ALDH3A2: variants seen among roughly 807,000 people sequenced by gnomAD.
ALDH3A2 encodes the protein aldehyde dehydrogenase 3 family member A2.
In ALDH3A2, 36 loss-of-function variants were observed where a neutral mutation model predicts 51.3. That is an observed-to-expected ratio of 0.70 (90% CI 0.54 to 0.93). The LOEUF is 0.93. Among genes scored for constraint, ALDH3A2 ranks in the 40% least tolerant of loss-of-function variants. ALDH3A2 has a pLI of 0.00. For synonymous variants in ALDH3A2, 199 were observed against 219.8 expected (o/e 0.91, Z 0.84); for missense variants, 552 against 603.1 (o/e 0.92, Z 0.89).
Position 19,649,036 on chromosome 17 carries a change from T to C in ALDH3A2, c.65T>C (p.Phe22Ser), listed in dbSNP as rs751631165. ...FLSGRSRPLR[F>S]RLQQLEALRR... Reference sequence around the variant, plus strand: ...TCCGGCCGGTCGCGACCTCTGCGGTTTCGGCTGCAGCAGCTGGAGGCCCTG... The same window carrying C: ...TCCGGCCGGTCGCGACCTCTGCGGTCTCGGCTGCAGCAGCTGGAGGCCCTG... Residue 22 changes from phenylalanine to serine, a missense_variant, in exon 1 of 10, where the codon TTT becomes TCT. By Grantham distance (155) the Phe-to-Ser change is radical (BLOSUM62 -2). Transcript: ENST00000176643. 48 of 1,583,758 alleles carry C rather than the reference T, an allele frequency of 3.0e-5. No homozygotes were observed. The South Asian group carries it at 3.9e-4, about 13-fold the overall frequency.
At chr17:19,655,238 GC>G (rs1321482149) in intron 3 of ALDH3A2, 3 of 152,176 alleles carry the variant, frequency 2.0e-5, no homozygotes, top group African/African-American at 7.2e-5. Context: ...ATGGATTGAG[GC>G]CAGTTCTGGT....
At chr17:19,661,965 A>G (rs2084972418) in intron 6 of ALDH3A2, 1 of 152,128 alleles carries the variant, frequency 6.6e-6, no homozygotes, top group Non-Finnish European at 1.5e-5. Flanking sequence ...CCTGAGCTAG[A>G]TAATTCAGTG....
At chr17:19,673,717 C>T (rs2085152324) in intron 9 of ALDH3A2, among the ~76,000 whole-genome samples, 1 of 151,546 alleles carries the variant, frequency 6.6e-6, no homozygotes, top group Non-Finnish European at 1.5e-5. Flanking sequence ...GACTCCGTCT[C>T]CAAAAAAAAA....
At chr17:19,661,011 T>G in intron 5 of ALDH3A2, 116 bp from the exon 6 acceptor site, 1 of 1,034,564 alleles carries the variant, frequency 9.7e-7, no homozygotes, top group South Asian at 1.4e-5. Context: ...GGTGGGGTGT[T>G]AGATTCTGTG....
chr17:19,665,034 A>G lies in ALDH3A2; in HGVS notation c.1194A>G (p.Pro398=), dbSNP rs772456541. Residue 398 remains proline, a synonymous_variant, in exon 8 of 10, where the codon CCA becomes CCG. Transcript: ENST00000176643. ...VIMHFTLNSF[P]FGGVGSSGMG... The stretch of plus-strand genomic sequence containing the variant: ...TGCACTTCACGCTCAACTCTTTCCC[A>G]TTTGGAGGAGTGGGTGAGTCTTATT... The G allele has an allele frequency of 3.1e-6, 5 of 1,613,586 alleles. No homozygotes were observed. The highest frequency in any genetic ancestry group is 4.2e-6 in the Non-Finnish European group (5 of 1,179,684).
chr17:19,670,525 C>G (rs1307634661), intron 8 of ALDH3A2, among the ~76,000 whole-genome samples: 1 of 151,328 alleles, frequency 6.6e-6, no homozygotes, highest in African/African-American at 2.4e-5. Context: ...CAGTTTCTTA[C>G]TACCTTGGTT....
chr17:19,649,292 G>C, intron 1 of ALDH3A2, 168 bp downstream of exon 1: 1 of 893,612 alleles, frequency 1.1e-6, no homozygotes, highest in Non-Finnish European at 1.7e-6. Flanking sequence ...GACTTTCCCG[G>C]TCCTCTAGCA....
At chr17:19,661,555 A>G in intron 6 of ALDH3A2, 1 of 373,478 alleles carries the variant, frequency 2.7e-6, no homozygotes, top group Non-Finnish European at 4.9e-6. Flanking sequence ...ACTTGATGTA[A>G]TTATCTGTAG....
At position 19,671,274 on chromosome 17, in the gene ALDH3A2, T is replaced by C. The variant is rs954655506; in HGVS notation, c.1208-447T>C. Among the ~76,000 whole-genome samples the C allele has an allele frequency of 4.6e-5, 7 of 152,290 alleles. No individual in the cohort carries two copies. The East Asian group carries it at 5.8e-4, about 13-fold the overall frequency. ...TGGGATGGTGGGAAGAGAGCACATA[T>C]AGCATTTAGAGTCTGATCCAGGTTC... On this transcript the variant is annotated intron_variant, in intron 8 of 9. Coordinates refer to ENST00000176643, the MANE Select transcript of ALDH3A2 (RefSeq NM_000382.3).
chr17:19,661,757 C>T (rs536076318), intron 6 of ALDH3A2, among the ~76,000 whole-genome samples: 2 of 151,580 alleles, frequency 1.3e-5, no homozygotes, highest in East Asian at 3.9e-4. Flanking sequence ...CATTTTTCTA[C>T]AGTAACATAT....
At chr17:19,653,824 C>T (rs1021645480) in intron 3 of ALDH3A2, among the ~76,000 whole-genome samples, 20 of 152,302 alleles carry the variant, frequency 1.3e-4, no homozygotes, top group African/African-American at 3.6e-4. Context: ...CCTTATCTGG[C>T]CCCACCCGCA....
At chr17:19,670,036 C>T (rs2085091485) in intron 8 of ALDH3A2, among the ~76,000 whole-genome samples, 1 of 152,200 alleles carries the variant, frequency 6.6e-6, no homozygotes, top group African/African-American at 2.4e-5. Context: ...TCAACCAATC[C>T]AGTAGTTTGC....
intron 3 of ALDH3A2, chr17:19,656,136 A>G: frequency 1.8e-6 from 1 of 551,828 alleles, no homozygotes. Flanking sequence ...ATGTAAAAAA[A>G]CACTGGAGTC....
At position 19,675,622 on chromosome 17, in the gene ALDH3A2, T is replaced by C. The variant is rs1291289435; in HGVS notation, c.*50T>C. ...GTGCCTCTACTGAATTATTCCTCTTTTAAATGGTTAATGAACCAATAATTT... is the reference window on the plus strand; with the variant it reads ...GTGCCTCTACTGAATTATTCCTCTTCTAAATGGTTAATGAACCAATAATTT... On this transcript the variant is annotated 3_prime_UTR_variant, in exon 10 of 10. Transcript: ENST00000176643. The C allele has an allele frequency of 1.3e-6, 2 of 1,564,312 alleles. No individual in the cohort carries two copies. Among genetic ancestry groups the C allele is most frequent in the African/African-American group, 1.4e-5 (1 of 74,016 alleles).
intron 5 of ALDH3A2, 147 bp from the exon 6 acceptor site, chr17:19,660,980 C>G: frequency 1.3e-6 from 1 of 785,980 alleles, no homozygotes; most frequent in Non-Finnish European, 2.1e-6. Flanking sequence ...TACTATCATA[C>G]TACTGTTAAA....
chr17:19,663,769 T>A (rs1431176084), intron 7 of ALDH3A2, among the ~76,000 whole-genome samples: 2 of 152,174 alleles, frequency 1.3e-5, no homozygotes, highest in Non-Finnish European at 2.9e-5. Flanking sequence ...TTCACAAACA[T>A]CTCCTGTATA....
chr17:19,674,503 C>G (rs2085162582), intron 9 of ALDH3A2: 1 of 152,004 alleles, frequency 6.6e-6, no homozygotes, highest in Non-Finnish European at 1.5e-5. Context: ...TTAGCAGAAA[C>G]AAAAAAATGT....
At position 19,657,804 on chromosome 17, in the gene ALDH3A2, T is replaced by C. The variant is rs1567600734; in HGVS notation, c.740T>C (p.Ile247Thr). The change falls in exon 5 of 10, where the codon ATT becomes ACT. Residue 247 changes from isoleucine to threonine, a missense_variant. Coordinates refer to ENST00000176643, the MANE Select transcript of ALDH3A2 (RefSeq NM_000382.3). ...CAAACCTGCATTGCACCCGACTATA[T>C]TCTCTGTGAAGCATCCCTCCAAAAT... ...CGQTCIAPDY[I>T]LCEASLQNQI... The C allele has an allele frequency of 1.2e-6, 2 of 1,614,154 alleles. No homozygotes were observed. Among genetic ancestry groups the C allele is most frequent in the Admixed American group, 1.7e-5 (1 of 60,030 alleles).
chr17:19,665,521 C>T (rs959631328), intron 8 of ALDH3A2, among the ~76,000 whole-genome samples: 1 of 151,990 alleles, frequency 6.6e-6, no homozygotes, highest in Admixed American at 6.6e-5. Context: ...CTGCATTGTT[C>T]CCCAGCCCTT....
Sources: allele counts gnomAD v4.1 joint callset (sites outside exome capture counted in the v4.1 genomes callset), GRCh38; gene constraint gnomAD v4.1.1; transcripts MANE v1.5; gene names NCBI Gene and HGNC (gene_info 2026-07-23, HGNC 2026-07-21).